SUSD4: variants seen among roughly 807,000 people sequenced by gnomAD.
The protein encoded by SUSD4 is sushi domain-containing protein 4.
In SUSD4, 41 loss-of-function variants were observed where a neutral mutation model predicts 50.5. The ratio of observed to expected loss-of-function variants is 0.81; its 90% CI spans 0.63 to 1.05. SUSD4 has a LOEUF of 1.05. Among genes scored for constraint, SUSD4 ranks in the 50% least tolerant of loss-of-function variants. SUSD4 has a pLI of 0.00. For synonymous variants in SUSD4, 257 were observed against 257.3 expected (o/e 1.00, Z 0.01); for missense variants, 580 against 634.7 (o/e 0.91, Z 0.93).
chr1:223,356,418 T>C (rs1391590157), intron 2 of SUSD4, among the ~76,000 whole-genome samples: 1 of 151,972 alleles, frequency 6.6e-6, no homozygotes, highest in Non-Finnish European at 1.5e-5. Context: ...CTTTTTCTTT[T>C]TTTTTTTTCA....
At position 223,222,054 on chromosome 1, in the gene SUSD4, A is replaced by T; in HGVS notation, c.*138T>A. 1 of 771,066 alleles carries T rather than the reference A, an allele frequency of 1.3e-6. No homozygotes were observed. The highest frequency in any genetic ancestry group is 2.1e-6 in the Non-Finnish European group (1 of 474,154). The allele number at this position is 771,066 out of a possible 1,614,324, so 47.8% of individuals were successfully genotyped here. On this transcript the variant is annotated 3_prime_UTR_variant, in exon 9 of 9. Transcript: ENST00000366878. ...TGTCAGCCTCACTGTGGAGCCTGAGATGCATAATGTGAACTGTGGTCCCCA... is the reference window on the plus strand; with the variant it reads ...TGTCAGCCTCACTGTGGAGCCTGAGTTGCATAATGTGAACTGTGGTCCCCA...
chr1:223,356,622 C>T (rs996501653), intron 2 of SUSD4, among the ~76,000 whole-genome samples: 2 of 152,102 alleles, frequency 1.3e-5, no homozygotes, highest in Admixed American at 1.3e-4. Flanking sequence ...ACTAGATTTT[C>T]ATCTACAGCA....
chr1:223,227,530 T>C lies in SUSD4; in HGVS notation c.1061+64A>G. 6.3e-7 allele frequency: 1 copy of C among 1,575,516 alleles called. No individual in the cohort carries two copies. Among genetic ancestry groups the C allele is most frequent in the Admixed American group, 1.7e-5 (1 of 57,684 alleles). On this transcript the variant is annotated intron_variant, in intron 7 of 8. Coordinates refer to ENST00000366878, the MANE Select transcript of SUSD4 (RefSeq NM_017982.4). This position sits in a 1 kb window ranked among gnomAD's most constrained non-coding sequence, Gnocchi z 4.5. ...CTTTTCACTCATCACTTTCTCCCTCTGCTGCTAAGGGTAGCTGCATTGAGT... is the reference window on the plus strand; with the variant it reads ...CTTTTCACTCATCACTTTCTCCCTCCGCTGCTAAGGGTAGCTGCATTGAGT...
rs1433947303 is a variant in SUSD4 at position 223,229,090 on chromosome 1, A to G, written c.916+107T>C. The G allele has an allele frequency of 9.5e-6, 11 of 1,161,380 alleles. No homozygotes were observed. Among genetic ancestry groups the G allele is most frequent in the Non-Finnish European group, 1.3e-5 (11 of 821,964 alleles). The allele number at this position is 1,161,380 out of a possible 1,614,324, so 71.9% of individuals were successfully genotyped here. On this transcript the variant is annotated intron_variant, in intron 6 of 8. Coordinates refer to ENST00000366878, the MANE Select transcript of SUSD4 (RefSeq NM_017982.4). The surrounding 1 kb of genome is among the most constrained non-coding windows in gnomAD (Gnocchi z 4.7). The stretch of plus-strand genomic sequence containing the variant: ...TATGTTTCGATATCCTGTTCCTGAC[A>G]CTGGGTGGGGGAGGAGAGATACAGC...
At chr1:223,254,936 G>A (rs1287395012) in intron 5 of SUSD4, among the ~76,000 whole-genome samples, 1 of 152,188 alleles carries the variant, frequency 6.6e-6, no homozygotes, top group East Asian at 1.9e-4. Flanking sequence ...ATTTACTATT[G>A]CTGGTGAACA....
At chr1:223,360,487 C>T (rs996991128) in intron 2 of SUSD4, among the ~76,000 whole-genome samples, 4 of 152,198 alleles carry the variant, frequency 2.6e-5, no homozygotes, top group Non-Finnish European at 4.4e-5. Flanking sequence ...GAGAGCCACC[C>T]AAACATCATC....
intron 2 of SUSD4, among the ~76,000 whole-genome samples, chr1:223,349,607 G>A (rs1020848603): frequency 2.0e-5 from 3 of 152,156 alleles, no homozygotes; most frequent in African/African-American, 4.8e-5. Flanking sequence ...GCATGAATAG[G>A]TAAGCTAATG....
intron 5 of SUSD4, among the ~76,000 whole-genome samples, chr1:223,256,495 C>T (rs905340012): frequency 1.3e-5 from 2 of 152,144 alleles, no homozygotes; most frequent in Non-Finnish European, 2.9e-5. Context: ...CCTTTCCTGC[C>T]GCTCTCCTCC....
intron 2 of SUSD4, among the ~76,000 whole-genome samples, chr1:223,358,600 G>C (rs1050391297): frequency 6.6e-6 from 1 of 152,180 alleles, no homozygotes; most frequent in Admixed American, 6.5e-5. Flanking sequence ...ACTGGAGAGA[G>C]ATCTTCACCT....
intron 2 of SUSD4, among the ~76,000 whole-genome samples, chr1:223,327,087 C>T (rs1666917452): frequency 6.6e-6 from 1 of 152,120 alleles, no homozygotes. Flanking sequence ...AATATGGAAC[C>T]AACCCAAGTG....
At chr1:223,280,481 A>G (rs1404778811) in intron 3 of SUSD4, among the ~76,000 whole-genome samples, 2 of 152,276 alleles carry the variant, frequency 1.3e-5, no homozygotes, top group South Asian at 2.1e-4. Context: ...AGATCAAAAG[A>G]GACAAAGAAG....
At chr1:223,288,110 C>T (rs1664260520) in intron 3 of SUSD4, among the ~76,000 whole-genome samples, 1 of 152,170 alleles carries the variant, frequency 6.6e-6, no homozygotes, top group Non-Finnish European at 1.5e-5. Flanking sequence ...TCTGTGTTCC[C>T]ACCCAAATTT....
chr1:223,268,042 TAC>T (rs374538693), intron 4 of SUSD4, among the ~76,000 whole-genome samples: 1,103 of 105,654 alleles, frequency 0.01, 58 homozygotes, highest in African/African-American at 0.019. Flanking sequence ...TATATATATA[TAC>T]ACACACACTG....
Position 223,226,438 on chromosome 1 carries a change from G to A in SUSD4, c.1061+1156C>T, listed in dbSNP as rs367971803. ...GCACCTATCAGGTTGTGACCATAGC[G>A]GGTCCCTGCTGCCAGGCAGGGGAGA... On this transcript the variant is annotated intron_variant, in intron 7 of 8. Transcript: ENST00000366878. 2.1e-4 allele frequency among the ~76,000 whole-genome samples: 32 copies of A among 152,322 alleles called. 1 individual carries two copies. The South Asian group carries it at 4.1e-3, about 20-fold the overall frequency.
At chr1:223,273,936 T>G (rs185038549) in intron 3 of SUSD4, among the ~76,000 whole-genome samples, 1 of 152,176 alleles carries the variant, frequency 6.6e-6, no homozygotes, top group Admixed American at 6.5e-5. Flanking sequence ...ATGAGTAGAA[T>G]AGTTTTCCTG....
rs890112756 is a variant in SUSD4 at position 223,363,520 on chromosome 1, C to T, written c.-35-60G>A. 4 of 1,368,030 alleles carry T rather than the reference C, an allele frequency of 2.9e-6. No homozygotes were observed. In the African/African-American group the frequency reaches 5.9e-5, roughly 20 times the overall value. 84.7% of individuals were successfully genotyped at this position (1,368,030 alleles called of 1,614,324 possible). On this transcript the variant is annotated intron_variant, in intron 1 of 8. Transcript: ENST00000366878. ...TCTGTCCGGGCTCGGGGGCCACGCTCCCCCTCCTCCGCTCTGGGACCCGGC... is the reference window on the plus strand; with the variant it reads ...TCTGTCCGGGCTCGGGGGCCACGCTTCCCCTCCTCCGCTCTGGGACCCGGC...
chr1:223,310,847 G>A (rs1314104452), intron 2 of SUSD4, among the ~76,000 whole-genome samples: 2 of 152,242 alleles, frequency 1.3e-5, no homozygotes, highest in African/African-American at 4.8e-5. Flanking sequence ...AAATGAAGCA[G>A]TGAGGTGCCT....
chr1:223,248,761 C>G (rs551976979), intron 5 of SUSD4, among the ~76,000 whole-genome samples: 1 of 152,232 alleles, frequency 6.6e-6, no homozygotes, highest in African/African-American at 2.4e-5. Context: ...GGGAGGGGCT[C>G]TCACCTGCTT....
At chr1:223,290,953 T>C (rs565986807) in intron 3 of SUSD4, among the ~76,000 whole-genome samples, 39 of 150,210 alleles carry the variant, frequency 2.6e-4, no homozygotes, top group African/African-American at 9.5e-4. Context: ...TCTATATACA[T>C]ATATATATAT....
Sources: allele counts gnomAD v4.1 joint callset (sites outside exome capture counted in the v4.1 genomes callset), GRCh38; gene constraint gnomAD v4.1.1; non-coding constraint Gnocchi (gnomAD v3.1); transcripts MANE v1.5; gene names NCBI Gene and HGNC (gene_info 2026-07-23, HGNC 2026-07-21).